Variants in NMNAT3 observed in about 807,000 individuals in gnomAD.
NMNAT3 encodes nicotinamide nucleotide adenylyltransferase 3.
NMNAT3 carries 21 observed loss-of-function variants against 24.8 expected under a neutral mutation model. The observed-to-expected ratio is 0.85, with a 90% CI of 0.60 to 1.22. The LOEUF (loss-of-function observed/expected upper bound fraction) is 1.22, where lower values mean the gene tolerates loss of function less well. NMNAT3 is among the 50% of genes most tolerant of loss of function. The pLI is 0.00. For synonymous variants in NMNAT3, 136 were observed against 155.2 expected (o/e 0.88, Z 0.92); for missense variants, 387 against 436.6 (o/e 0.89, Z 1.01).
chr3:139,600,250 A>G (rs1365484035), intron 3 of NMNAT3, among the ~76,000 whole-genome samples: 1 of 152,114 alleles, frequency 6.6e-6, no homozygotes, highest in Non-Finnish European at 1.5e-5. Context: ...AAAGTAAACA[A>G]CAAAGCAGCA....
At chr3:139,667,111 T>C (rs1185791720) in intron 1 of NMNAT3, among the ~76,000 whole-genome samples, 1 of 152,234 alleles carries the variant, frequency 6.6e-6, no homozygotes, top group Non-Finnish European at 1.5e-5. Context: ...TTTGGGTACA[T>C]ACCCAGCAGT....
intron 3 of NMNAT3, among the ~76,000 whole-genome samples, chr3:139,618,537 T>C (rs1206577164): frequency 6.6e-6 from 1 of 152,216 alleles, no homozygotes; most frequent in African/African-American, 2.4e-5. Flanking sequence ...GAAGATACTA[T>C]TAATTTCTAT....
intron 1 of NMNAT3, among the ~76,000 whole-genome samples, chr3:139,675,131 A>AACACACACACAC (rs1397817305): frequency 1.2e-4 from 3 of 25,098 alleles, no homozygotes; most frequent in East Asian, 2.4e-3. Flanking sequence ...ATTCCTTTTA[A>AACACACACACAC]ACATACACAC....
chr3:139,669,949 CTG>C (rs1222564814), intron 1 of NMNAT3, among the ~76,000 whole-genome samples: 1 of 152,216 alleles, frequency 6.6e-6, no homozygotes, highest in African/African-American at 2.4e-5. Context: ...GGGTCTTAAA[CTG>C]TACAGTTGCA....
chr3:139,657,312 C>T (rs926826841), intron 1 of NMNAT3, among the ~76,000 whole-genome samples: 2 of 152,226 alleles, frequency 1.3e-5, no homozygotes, highest in Non-Finnish European at 2.9e-5. Context: ...TATTAACTAT[C>T]CTTTAGACAT....
Position 139,602,691 on chromosome 3 carries a change from C to A in NMNAT3, c.110-19483G>T, listed in dbSNP as rs1198107805. ...ATCCAAGGTTATTTTATTAACTTAGCACTGGGCTCCAACGTAAACAAGGGC... is the reference window on the plus strand; with the variant it reads ...ATCCAAGGTTATTTTATTAACTTAGAACTGGGCTCCAACGTAAACAAGGGC... On this transcript the variant is annotated intron_variant, in intron 3 of 6. Transcript: ENST00000643695. 2.0e-5 allele frequency among the ~76,000 whole-genome samples: 3 copies of A among 152,288 alleles called. No individual in the cohort carries two copies. The East Asian group carries it at 5.8e-4, about 29-fold the overall frequency.
chr3:139,582,790 T>C, intron 4 of NMNAT3: 1 of 431,636 alleles, frequency 2.3e-6, no homozygotes, highest in Admixed American at 4.1e-5. Context: ...TAAAGAGAAA[T>C]AGAGAAATAA....
In NMNAT3 at chr3:139,583,152, AGATAGACT is replaced by A; in HGVS notation, c.158_165del (p.Gln53LeufsTer16). 1 of 1,360,990 alleles carries A rather than the reference AGATAGACT, an allele frequency of 7.3e-7. No homozygotes were observed. The highest frequency in any genetic ancestry group is 1.2e-5 in the South Asian group (1 of 82,906). 84.3% of individuals were successfully genotyped at this position (1,360,990 alleles called of 1,614,324 possible). A position where few individuals can be genotyped will look rare whatever the true frequency, so the allele number is the denominator to read the frequency against. ...AGATGAAAAGAAATATCTTTTATTG[AGATAGACT>A]GAGGTCCAGGAAAAACAAGTGCAAC... On this transcript the variant is annotated frameshift_variant, in exon 4 of 7. Coordinates refer to ENST00000643695, the MANE Select transcript of NMNAT3 (RefSeq NM_001320510.2). LOFTEE classifies it high-confidence loss of function.
At chr3:139,616,523 A>G (rs536204486) in intron 3 of NMNAT3, among the ~76,000 whole-genome samples, 10 of 152,198 alleles carry the variant, frequency 6.6e-5, no homozygotes, top group Admixed American at 5.9e-4. Context: ...TTGTATTCTG[A>G]TAGGTCTCTC....
rs372691677 is a variant in NMNAT3, at chr3:139,561,277, G to T, written c.774C>A (p.Cys258Ter). ...TTGGGTCGTGACCTACTCGGCCCAC[G>T]CACACCAAGCCAAACTTCTCCACTA... Residue 258 changes from cysteine (C) to a stop codon, truncating the protein, a stop_gained, in exon 7 of 7, where the codon TGC (cysteine) becomes TGA (stop). Transcript: ENST00000643695. LOFTEE classifies it low-confidence loss of function (END_TRUNC). 3 of 1,613,896 alleles carry T rather than the reference G, an allele frequency of 1.9e-6. No homozygotes were observed. Among genetic ancestry groups the T allele is most frequent in the Non-Finnish European group, 2.5e-6 (3 of 1,179,924 alleles).
chr3:139,578,727 G>A (rs1331136739), intron 5 of NMNAT3, 145 bp downstream of exon 5: 6 of 642,390 alleles, frequency 9.3e-6, no homozygotes, highest in Admixed American at 6.1e-5. Flanking sequence ...TCTCTCTCCT[G>A]CTAAGTAGAA....
intron 6 of NMNAT3, chr3:139,567,979 T>C (rs1937517065): frequency 6.6e-6 from 1 of 152,238 alleles, no homozygotes; most frequent in Admixed American, 6.5e-5. Context: ...CCTGGACTTT[T>C]TTTGGTTGGT....
intron 3 of NMNAT3, among the ~76,000 whole-genome samples, chr3:139,624,011 A>T (rs2108299657): frequency 6.6e-6 from 1 of 152,352 alleles, no homozygotes; most frequent in South Asian, 2.1e-4. Flanking sequence ...TTTCAACTCC[A>T]TTACAATCTT....
intron 6 of NMNAT3, among the ~76,000 whole-genome samples, chr3:139,561,636 AT>A (rs201381319): frequency 2.0e-5 from 3 of 151,960 alleles, no homozygotes; most frequent in African/African-American, 4.8e-5. Context: ...AAGGAATACG[AT>A]TTTTTTTCTT....
Position 139,579,068 on chromosome 3 carries a change from G to C in NMNAT3, c.392-13C>G. ...ACCTGGTACATTCCTAGGTAAGAGA[G>C]AGCAGTGGTGTTGCACATACAGACA... On this transcript the variant is annotated splice_polypyrimidine_tract_variant and intron_variant, in intron 4 of 6. Transcript: ENST00000643695. The C allele has an allele frequency of 6.2e-7, 1 of 1,609,418 alleles. No homozygotes were observed. The highest frequency in any genetic ancestry group is 8.5e-7 in the Non-Finnish European group (1 of 1,177,638).
chr3:139,622,115 A>G (rs2055804692), intron 3 of NMNAT3, among the ~76,000 whole-genome samples: 1 of 152,140 alleles, frequency 6.6e-6, no homozygotes, highest in Non-Finnish European at 1.5e-5. Flanking sequence ...GGGATTGCTG[A>G]ATCAAATAGT....
intron 1 of NMNAT3, among the ~76,000 whole-genome samples, chr3:139,645,833 T>C (rs564797687): frequency 6.6e-6 from 1 of 152,200 alleles, no homozygotes; most frequent in Non-Finnish European, 1.5e-5. Flanking sequence ...AGATATTGGA[T>C]AGGCAAACTG....
intron 3 of NMNAT3, among the ~76,000 whole-genome samples, chr3:139,607,663 G>GT (rs11432552): frequency 0.93 from 141,760 of 152,130 alleles, 66,906 homozygotes; most frequent in East Asian, 1. Context: ...TGTATATTTA[G>GT]TTTTCTGGCA....
chr3:139,613,577 T>C (rs906114199), intron 3 of NMNAT3, among the ~76,000 whole-genome samples: 4 of 152,084 alleles, frequency 2.6e-5, no homozygotes, highest in South Asian at 2.1e-4. Context: ...GTCAGTGTGG[T>C]GATTCCTCAG....
Sources: gnomAD v4.1 joint callset for allele counts (sites outside exome capture counted in the v4.1 genomes callset) on GRCh38, gnomAD v4.1.1 for gene constraint, MANE v1.5 for transcripts, NCBI Gene and HGNC (gene_info 2026-07-23, HGNC 2026-07-21) for gene names.